RC3H2: variants seen among roughly 807,000 people sequenced by gnomAD.
RC3H2 encodes the protein roquin-2.
RC3H2 carries 31 observed loss-of-function variants against 133.3 expected under a neutral mutation model. The ratio of observed to expected loss-of-function variants is 0.23; its 90% confidence interval spans 0.17 to 0.31. RC3H2 has a LOEUF of 0.31. Among genes scored for constraint, RC3H2 ranks in the 10% least tolerant of loss-of-function variants. The probability of loss-of-function intolerance (pLI) is 1.00; values close to 1 mark genes in which losing one functional copy is unlikely to be tolerated. For missense variants in RC3H2, 1,175 were observed against 1,437.2 expected (o/e 0.82, Z 2.95); for synonymous variants, 517 against 502.2 (o/e 1.03, Z -0.40).
intron 2 of RC3H2, among the ~76,000 whole-genome samples, chr9:122,895,202 C>T (rs1588112742): frequency 6.6e-6 from 1 of 151,664 alleles, no homozygotes; most frequent in South Asian, 2.1e-4. Flanking sequence ...TCCCATCACC[C>T]AGGCTGGAGT....
chr9:122,858,854 T>C lies in RC3H2; in HGVS notation c.2098A>G (p.Ile700Val), dbSNP rs1427204887. Reference protein sequence around the residue: ...MYAPVYDSRRIWRPPMYQRDD... With the variant: ...MYAPVYDSRRVWRPPMYQRDD... ...CGTTGGTACATAGGTGGGCGCCAGATGCGCCTGCTGTCGTACACAGGAGCA... is the reference window on the plus strand; with the variant it reads ...CGTTGGTACATAGGTGGGCGCCAGACGCGCCTGCTGTCGTACACAGGAGCA... Residue 700 changes from isoleucine (I) to valine (V), a missense_variant, in exon 12 of 21, where the codon ATC becomes GTC. Physicochemically the swap from Ile to Val is conservative, Grantham distance 29. This residue lies in a region of RC3H2 where 490 missense variants were observed against 492.8 expected (regional missense o/e 0.99). Transcript: ENST00000357244. The C allele has an allele frequency of 1.2e-6, 2 of 1,614,180 alleles. No individual in the cohort carries two copies. The highest frequency in any genetic ancestry group is 1.7e-5 in the Admixed American group (1 of 60,018).
rs1832793802 is a variant in RC3H2, at chr9:122,905,139, G to A, written c.-97C>T. On this transcript the variant is annotated 5_prime_UTR_variant, in exon 1 of 21. Coordinates refer to ENST00000357244, the MANE Select transcript of RC3H2 (RefSeq NM_001100588.3). ...GGGGGCCCGGGCGGGGTCGCTAAGG[G>A]CCGCTCCCGGGAGCCCCGCGACGGC... is the stretch of plus-strand genomic sequence containing the variant. 1 of 985,326 alleles carries A rather than the reference G, an allele frequency of 1.0e-6. No homozygotes were observed. Among genetic ancestry groups the A allele is most frequent in the Non-Finnish European group, 1.2e-6 (1 of 829,942 alleles). 61.0% of individuals were successfully genotyped at this position (985,326 alleles called of 1,614,324 possible).
At chr9:122,856,406 C>T (rs897352428) in intron 13 of RC3H2, among the ~76,000 whole-genome samples, 19 of 152,230 alleles carry the variant, frequency 1.2e-4, no homozygotes, top group Non-Finnish European at 2.6e-4. Flanking sequence ...GCACACGCCA[C>T]TATGCCCAGA....
Position 122,847,274 on chromosome 9 carries a change from C to T in RC3H2, c.*2353G>A, listed in dbSNP as rs1829891576. The T allele has an allele frequency of 6.6e-6, 1 of 152,016 alleles. No individual in the cohort carries two copies. Among genetic ancestry groups the T allele is most frequent in the Non-Finnish European group, 1.5e-5 (1 of 67,952 alleles). 9.4% of individuals were successfully genotyped at this position (152,016 alleles called of 1,614,324 possible). A position where few individuals can be genotyped will look rare whatever the true frequency, so the allele number is the denominator to read the frequency against. ...AAAATTAAAAAGATAAGGTTAAATACACAAGATCAATTTATGTAGTATATA... is the reference window on the plus strand; with the variant it reads ...AAAATTAAAAAGATAAGGTTAAATATACAAGATCAATTTATGTAGTATATA... On this transcript the variant is annotated 3_prime_UTR_variant, in exon 21 of 21. Coordinates refer to ENST00000357244, the MANE Select transcript of RC3H2 (RefSeq NM_001100588.3).
chr9:122,887,013 A>G (rs563684808), intron 4 of RC3H2, among the ~76,000 whole-genome samples: 4 of 152,232 alleles, frequency 2.6e-5, no homozygotes, highest in Non-Finnish European at 5.9e-5. Flanking sequence ...AACTTTGTAT[A>G]ATGGAAAATT....
chr9:122,901,198 C>T (rs954880434), intron 1 of RC3H2, among the ~76,000 whole-genome samples: 2 of 152,140 alleles, frequency 1.3e-5, no homozygotes, highest in African/African-American at 4.8e-5. Flanking sequence ...AACCTTAGGG[C>T]TTAGTTCTTC....
rs770561203 is a variant in RC3H2 at position 122,880,582 on chromosome 9, A to G, written c.960+12T>C. The G allele has an allele frequency of 1.9e-5, 30 of 1,601,656 alleles. No individual in the cohort carries two copies. The highest frequency in any genetic ancestry group is 2.4e-5 in the Non-Finnish European group (28 of 1,169,102). On this transcript the variant is annotated intron_variant, in intron 6 of 20. Transcript: ENST00000357244. The stretch of plus-strand genomic sequence containing the variant: ...GCAATGATAGAACATCAGCATCTCT[A>G]ATTTCACAAACCTTATCAATGATAG...
intron 1 of RC3H2, among the ~76,000 whole-genome samples, chr9:122,901,279 A>G (rs929372844): frequency 6.6e-6 from 1 of 152,236 alleles, no homozygotes; most frequent in Non-Finnish European, 1.5e-5. Flanking sequence ...GGACTGTCAC[A>G]GTACTTCCCC....
At chr9:122,866,379 C>CCCT (rs1554769501) in intron 9 of RC3H2, among the ~76,000 whole-genome samples, 1 of 80,614 alleles carries the variant, frequency 1.2e-5, no homozygotes, top group Admixed American at 1.5e-4. Context: ...CCCCCTCCCC[C>CCCT]CTCCCTCTCC....
rs72753246 is a variant in RC3H2 at position 122,903,809 on chromosome 9, T to C, written c.-68+1301A>G. Among the ~76,000 whole-genome samples, 757 of 152,368 alleles carry C rather than the reference T, an allele frequency of 5.0e-3. 5 individuals carry two copies. The highest frequency in any genetic ancestry group is 8.1e-3 in the Non-Finnish European group (551 of 68,036). On this transcript the variant is annotated intron_variant, in intron 1 of 20. Coordinates refer to ENST00000357244, the MANE Select transcript of RC3H2 (RefSeq NM_001100588.3). ...CTTTAACAGGATGTAACGACCTCTA[T>C]TTCTTCAAAAATTGAACGTGGAAGT...
At chr9:122,876,122 G>C (rs1052918146) in intron 9 of RC3H2, among the ~76,000 whole-genome samples, 3 of 152,100 alleles carry the variant, frequency 2.0e-5, no homozygotes, top group African/African-American at 7.2e-5. Flanking sequence ...ATAGGAAGAT[G>C]AATTGGCAGA....
At chr9:122,871,076 G>C (rs998078974) in intron 9 of RC3H2, among the ~76,000 whole-genome samples, 1 of 152,128 alleles carries the variant, frequency 6.6e-6, no homozygotes, top group Non-Finnish European at 1.5e-5. Flanking sequence ...GAAAGCAGAG[G>C]AGAATAATTT....
chr9:122,904,848 G>A (rs1199138975), intron 1 of RC3H2, among the ~76,000 whole-genome samples: 1 of 152,204 alleles, frequency 6.6e-6, no homozygotes, highest in Non-Finnish European at 1.5e-5. Flanking sequence ...TTAGGGGTCA[G>A]AGGCGTCCGC....
intron 2 of RC3H2, among the ~76,000 whole-genome samples, chr9:122,896,617 C>A (rs1832430463): frequency 6.6e-6 from 1 of 152,032 alleles, no homozygotes; most frequent in Non-Finnish European, 1.5e-5. Context: ...TTTTTTACAC[C>A]TTAATGATCA....
At chr9:122,894,495 G>T (rs1832334914) in intron 2 of RC3H2, among the ~76,000 whole-genome samples, 1 of 152,032 alleles carries the variant, frequency 6.6e-6, no homozygotes, top group Non-Finnish European at 1.5e-5. Flanking sequence ...AAGATAAGGG[G>T]GACTGGAAAT....
rs376172390 is a variant in RC3H2 at position 122,877,595 on chromosome 9, G to A, written c.1213-12C>T. On this transcript the variant is annotated splice_polypyrimidine_tract_variant and intron_variant, in intron 8 of 20. Transcript: ENST00000357244. The stretch of plus-strand genomic sequence containing the variant: ...CTGTTTGGCTGAGGCTACAAAAATG[G>A]GAACACATTCAATGAGTGGCAAGGT... 6.2e-7 allele frequency: 1 copy of A among 1,607,270 alleles called. No homozygotes were observed. The highest frequency in any genetic ancestry group is 1.3e-5 in the African/African-American group (1 of 74,786).
intron 3 of RC3H2, among the ~76,000 whole-genome samples, chr9:122,892,287 A>T (rs1832211771): frequency 6.6e-6 from 1 of 151,896 alleles, no homozygotes; most frequent in African/African-American, 2.4e-5. Flanking sequence ...AATTTTTTGT[A>T]TTTTTAGTAG....
chr9:122,897,400 A>G lies in RC3H2; in HGVS notation c.110T>C (p.Val37Ala). ...AAGTTTATTCAAGCAGGTCTTGCAA[A>G]CAGTGTGTGAACAACCTAAACTGAT... ...KPISLGCSHT[V>A]CKTCLNKLHR... The change falls in exon 2 of 21, where the codon GTT becomes GCT. Residue 37 changes from valine to alanine, a missense_variant. Around this residue, in one of 8 missense-constraint regions of RC3H2, gnomAD observed 41 missense variants for 88.0 expected, o/e 0.47. Coordinates refer to ENST00000357244, the MANE Select transcript of RC3H2 (RefSeq NM_001100588.3). 1.2e-6 allele frequency: 2 copies of G among 1,614,222 alleles called. No homozygotes were observed. Among genetic ancestry groups the G allele is most frequent in the Non-Finnish European group, 1.7e-6 (2 of 1,180,028 alleles).
chr9:122,852,594 CCCCGG>C (rs1281923509), intron 18 of RC3H2, among the ~76,000 whole-genome samples: 7 of 149,900 alleles, frequency 4.7e-5, no homozygotes, highest in African/African-American at 1.5e-4. Flanking sequence ...GGGGGTCAGC[CCCCGG>C]CCCGGCCAGC....
Sources: allele counts gnomAD v4.1 joint callset (sites outside exome capture counted in the v4.1 genomes callset), GRCh38; gene constraint gnomAD v4.1.1; regional missense constraint gnomAD v4.1.1; transcripts MANE v1.5; gene names NCBI Gene and HGNC (gene_info 2026-07-23, HGNC 2026-07-21).